Variants in OLFM3 observed in about 807,000 individuals in gnomAD.
The protein encoded by OLFM3 is noelin-3.
Under a neutral mutation model 48.6 loss-of-function variants are expected in OLFM3, and 20 were observed. The observed-to-expected ratio is 0.41, with a 90% CI of 0.29 to 0.60. OLFM3 has a LOEUF of 0.60. Among genes scored for constraint, OLFM3 ranks in the 20% least tolerant of loss-of-function variants. The pLI is 0.28. For synonymous variants in OLFM3, 222 were observed against 198.1 expected (o/e 1.12, Z -1.01); for missense variants, 437 against 544.3 (o/e 0.80, Z 1.96).
chr1:101,962,213 A>C (rs897899272), intron 1 of OLFM3, among the ~76,000 whole-genome samples: 5 of 152,122 alleles, frequency 3.3e-5, no homozygotes, highest in Admixed American at 3.3e-4. Context: ...AACTTCGTGG[A>C]GTTCTGCAAT....
intron 4 of OLFM3, among the ~76,000 whole-genome samples, chr1:101,820,728 G>T (rs1654571482): frequency 6.6e-6 from 1 of 152,020 alleles, no homozygotes; most frequent in Non-Finnish European, 1.5e-5. Context: ...GATTTTGCAG[G>T]CAATAAGACT....
At chr1:101,857,899 G>A (rs1286223563) in intron 1 of OLFM3, among the ~76,000 whole-genome samples, 1 of 151,886 alleles carries the variant, frequency 6.6e-6, no homozygotes, top group African/African-American at 2.4e-5. Context: ...CTTCATATTT[G>A]GAACATTTGA....
chr1:101,854,704 T>A (rs1656349008), intron 1 of OLFM3, among the ~76,000 whole-genome samples: 2 of 152,020 alleles, frequency 1.3e-5, no homozygotes, highest in Admixed American at 1.3e-4. Flanking sequence ...AAATTTCCTA[T>A]CTAGCCCCTT....
Position 101,813,133 on chromosome 1 carries a change from C to T in OLFM3, c.593-6951G>A, listed in dbSNP as rs533024530. The stretch of plus-strand genomic sequence containing the variant: ...GTTGCCTTTTTTCTTCTTCTTTTCT[C>T]TTTTTTAAATCAACTGGAAAGGAAA... On this transcript the variant is annotated intron_variant, in intron 4 of 5. Transcript: ENST00000370103. 4.7e-6 allele frequency: 6 copies of T among 1,281,182 alleles called. No individual in the cohort carries two copies. The African/African-American group carries it at 7.6e-5, about 16-fold the overall frequency. 79.4% of individuals were successfully genotyped at this position (1,281,182 alleles called of 1,614,324 possible). A position where few individuals can be genotyped will look rare whatever the true frequency, so the allele number is the denominator to read the frequency against.
chr1:101,919,815 G>A (rs1447700156), intron 1 of OLFM3, among the ~76,000 whole-genome samples: 1 of 152,016 alleles, frequency 6.6e-6, no homozygotes, highest in Non-Finnish European at 1.5e-5. Flanking sequence ...TATTTAATAT[G>A]TCCAGTTGGA....
intron 1 of OLFM3, chr1:101,910,233 G>A (rs1375891395): frequency 5.9e-6 from 3 of 505,662 alleles, no homozygotes; most frequent in South Asian, 8.6e-5. Flanking sequence ...TTGGGAGGCC[G>A]AGGCGGGCGG....
chr1:101,977,709 A>AT (rs112854136), intron 1 of OLFM3, among the ~76,000 whole-genome samples: 6 of 151,358 alleles, frequency 4.0e-5, no homozygotes, highest in South Asian at 4.2e-4. Context: ...AATGGTTGCT[A>AT]TTTTTTTTTA....
intron 2 of OLFM3, among the ~76,000 whole-genome samples, chr1:101,836,597 T>TTTC (rs1655422832): frequency 6.6e-6 from 1 of 151,978 alleles, no homozygotes. Flanking sequence ...TAAGATGCTT[T>TTTC]TTTTTTTTCC....
chr1:101,812,403 T>C, intron 4 of OLFM3: 3 of 984,970 alleles, frequency 3.0e-6, no homozygotes, highest in Non-Finnish European at 3.6e-6. Context: ...TCCTATGGTA[T>C]AGGTACCTTA....
rs983243397 is a variant in OLFM3 at position 101,802,799 on chromosome 1, C to A, written c.*1439G>T. ...GTTTTATTATTTATTATAGAATATA[C>A]TTTTTAAATTGTAAAACCAACCTAT... On this transcript the variant is annotated 3_prime_UTR_variant, in exon 6 of 6. Transcript: ENST00000370103. 2 of 151,436 alleles carry A rather than the reference C, an allele frequency of 1.3e-5. No individual in the cohort carries two copies. The highest frequency in any genetic ancestry group is 3.0e-5 in the Non-Finnish European group (2 of 67,666). The allele number at this position is 151,436 out of a possible 1,614,324, so 9.4% of individuals were successfully genotyped here. A position where few individuals can be genotyped will look rare whatever the true frequency, so the allele number is the denominator to read the frequency against.
At chr1:101,828,240 A>C (rs1466501728) in intron 3 of OLFM3, among the ~76,000 whole-genome samples, 1 of 152,176 alleles carries the variant, frequency 6.6e-6, no homozygotes, top group African/African-American at 2.4e-5. Flanking sequence ...AGAATAGACC[A>C]ATACACTCTT....
chr1:101,954,454 A>G (rs1174150991), intron 1 of OLFM3, among the ~76,000 whole-genome samples: 2 of 152,178 alleles, frequency 1.3e-5, no homozygotes, highest in East Asian at 3.9e-4. Flanking sequence ...TATTTCTAGA[A>G]ACATGACACA....
chr1:101,883,485 G>C (rs558202888), intron 1 of OLFM3, among the ~76,000 whole-genome samples: 1 of 151,706 alleles, frequency 6.6e-6, no homozygotes, highest in Non-Finnish European at 1.5e-5. Context: ...AGTGGTAGGA[G>C]GAGTACCTCC....
At chr1:101,864,004 G>A (rs1656760718) in intron 1 of OLFM3, among the ~76,000 whole-genome samples, 1 of 152,110 alleles carries the variant, frequency 6.6e-6, no homozygotes, top group South Asian at 2.1e-4. Flanking sequence ...AGACCCCATG[G>A]GGAAAACAGC....
intron 4 of OLFM3, among the ~76,000 whole-genome samples, chr1:101,817,656 C>A (rs1020939305): frequency 1.6e-5 from 1 of 61,028 alleles, no homozygotes; most frequent in African/African-American, 8.1e-5. Flanking sequence ...CTGTAATATC[C>A]TGCACTAATA....
At chr1:101,840,688 C>A (rs1331899540) in intron 1 of OLFM3, among the ~76,000 whole-genome samples, 5 of 152,084 alleles carry the variant, frequency 3.3e-5, no homozygotes, top group Non-Finnish European at 7.4e-5. Context: ...TCAGGCCTAC[C>A]TCGCACTCCT....
Position 101,804,826 on chromosome 1 carries a change from T to A in OLFM3, c.789A>T (p.Thr263=). ...CTGCCCACTTGAAAGGAAGGTTGTA[T>A]GTCCTTGATTCAGCCCCACTGACAA... ...ADFVSGAESR[T]YNLPFKWAGT... Residue 263 remains threonine (T), a synonymous_variant, in exon 6 of 6, where the codon ACA becomes ACT. Coordinates refer to ENST00000370103, the MANE Select transcript of OLFM3 (RefSeq NM_058170.4). This position sits in a 1 kb window ranked among gnomAD's most constrained non-coding sequence, Gnocchi z 4.5. The A allele has an allele frequency of 6.2e-7, 1 of 1,612,582 alleles. No homozygotes were observed. The highest frequency in any genetic ancestry group is 8.5e-7 in the Non-Finnish European group (1 of 1,179,080).
At chr1:101,941,951 T>C (rs1023240633) in intron 1 of OLFM3, among the ~76,000 whole-genome samples, 12 of 152,222 alleles carry the variant, frequency 7.9e-5, no homozygotes, top group Non-Finnish European at 1.5e-4. Flanking sequence ...CATCATCTCA[T>C]TTATTATTCA....
chr1:101,845,089 G>C (rs191421438), intron 1 of OLFM3, among the ~76,000 whole-genome samples: 1 of 151,978 alleles, frequency 6.6e-6, no homozygotes, highest in African/African-American at 2.4e-5. Context: ...CCATTTACTG[G>C]TTTATTTTCA....
Sources: gnomAD v4.1 joint callset for allele counts (sites outside exome capture counted in the v4.1 genomes callset) on GRCh38, gnomAD v4.1.1 for gene constraint, Gnocchi (gnomAD v3.1) non-coding constraint, MANE v1.5 for transcripts, NCBI Gene and HGNC (gene_info 2026-07-23, HGNC 2026-07-21) for gene names.